Variants in TANGO2 observed in about 807,000 individuals in gnomAD.
The protein encoded by TANGO2 is transport and Golgi organization protein 2 homolog.
Under a neutral mutation model 39.1 loss-of-function variants are expected in TANGO2, and 26 were observed. The observed-to-expected ratio is 0.67, with a 90% confidence interval of 0.49 to 0.92. TANGO2 has a LOEUF of 0.92. TANGO2 is among the 40% of genes least tolerant of loss of function. TANGO2 has a pLI of 0.00. For synonymous variants in TANGO2, 131 were observed against 144.5 expected (o/e 0.91, Z 0.67); for missense variants, 326 against 360.1 (o/e 0.91, Z 0.77).
At chr22:20,041,020 T>C (rs2043807788) in intron 2 of TANGO2, among the ~76,000 whole-genome samples, 1 of 152,200 alleles carries the variant, frequency 6.6e-6, no homozygotes, top group Non-Finnish European at 1.5e-5. Flanking sequence ...GCACAGTCCC[T>C]GGCAATGACC....
At chr22:20,059,652 T>C (rs907956117) in intron 6 of TANGO2, among the ~76,000 whole-genome samples, 2 of 152,236 alleles carry the variant, frequency 1.3e-5, no homozygotes, top group Non-Finnish European at 2.9e-5. Flanking sequence ...GCAGCTATTC[T>C]CATGCTCGTT....
At chr22:20,050,950 CCCG>C (rs2046229742) in intron 3 of TANGO2, among the ~76,000 whole-genome samples, 1 of 151,176 alleles carries the variant, frequency 6.6e-6, no homozygotes, top group Admixed American at 6.6e-5. Flanking sequence ...GCCTCAGCCC[CCCG>C]AGTAGCTGGG....
intron 4 of TANGO2, 181 bp from the exon 5 acceptor site, chr22:20,053,256 C>T (rs1204606111): frequency 1.2e-5 from 7 of 572,866 alleles, no homozygotes; most frequent in South Asian, 1.1e-4. Context: ...TTTTCAGTGC[C>T]GACCTGAGTG....
Position 20,063,413 on chromosome 22 carries a change from G to A in TANGO2, c.681G>A (p.Val227=), listed in dbSNP as rs758856144. 6.2e-7 allele frequency: 1 copy of A among 1,613,340 alleles called. No homozygotes were observed. Among genetic ancestry groups the A allele is most frequent in the Non-Finnish European group, 8.5e-7 (1 of 1,179,794 alleles). The change falls in exon 8 of 9, where the codon GTG becomes GTA. Residue 227 remains valine (V), a synonymous_variant. Coordinates refer to ENST00000327374, the MANE Select transcript of TANGO2 (RefSeq NM_152906.7). ...VQPMLSKYAA[V]CVRCPGYGTR... ...CCATGCTGAGCAAGTACGCGGCTGT[G>A]TGCGTGCGCTGCCCTGGCTACGGCA...
chr22:20,033,780 C>T (rs1034269565), intron 1 of TANGO2, among the ~76,000 whole-genome samples: 1 of 152,276 alleles, frequency 6.6e-6, no homozygotes, highest in South Asian at 2.1e-4. Flanking sequence ...TCCCAAAGCC[C>T]AGCGTGTTCC....
chr22:20,052,422 G>A, intron 3 of TANGO2, 43 bp from the exon 4 acceptor site: 1 of 1,566,858 alleles, frequency 6.4e-7, no homozygotes, highest in Non-Finnish European at 8.7e-7. Context: ...TGGGGGACTG[G>A]AATGGGTGGC....
intron 4 of TANGO2, 37 bp from the exon 5 acceptor site, chr22:20,053,400 T>C: frequency 1.4e-6 from 2 of 1,435,994 alleles, no homozygotes; most frequent in Non-Finnish European, 2.0e-6. Context: ...AGCACATGCC[T>C]GCAGCTGTGG....
upstream of TANGO2, among the ~76,000 whole-genome samples, chr22:20,020,917 C>A (rs1414267336): frequency 1.3e-5 from 2 of 152,118 alleles, no homozygotes; most frequent in Non-Finnish European, 2.9e-5. Flanking sequence ...CCCGCGCAGC[C>A]CGAAGCTTTG....
chr22:20,030,943 T>G (rs2041732827), intron 1 of TANGO2, among the ~76,000 whole-genome samples: 1 of 151,896 alleles, frequency 6.6e-6, no homozygotes, highest in Non-Finnish European at 1.5e-5. Context: ...CTCATGTCTG[T>G]AATACCAGCA....
At chr22:20,056,059 G>T in intron 6 of TANGO2, 46 bp downstream of exon 6, 1 of 1,477,460 alleles carries the variant, frequency 6.8e-7, no homozygotes, top group Non-Finnish European at 9.5e-7. Context: ...CTGTTTCTAT[G>T]CAGAGGTCAC....
At chr22:20,031,450 T>C (rs1055764198) in intron 1 of TANGO2, among the ~76,000 whole-genome samples, 4 of 152,186 alleles carry the variant, frequency 2.6e-5, no homozygotes, top group African/African-American at 7.2e-5. Context: ...GCTGGTGTCG[T>C]AGGTCGGTGG....
At chr22:20,029,287 G>A (rs979861875) in intron 1 of TANGO2, among the ~76,000 whole-genome samples, 1 of 152,348 alleles carries the variant, frequency 6.6e-6, no homozygotes, top group East Asian at 1.9e-4. Context: ...CTCAGAAGCA[G>A]AAGGTGGGCA....
intron 1 of TANGO2, among the ~76,000 whole-genome samples, chr22:20,028,347 T>A (rs2041187966): frequency 1.3e-5 from 2 of 152,320 alleles, no homozygotes; most frequent in South Asian, 4.1e-4. Flanking sequence ...ACTCCTGGCC[T>A]CAAACAATCC....
intron 2 of TANGO2, among the ~76,000 whole-genome samples, chr22:20,038,045 C>T (rs988894921): frequency 1.3e-4 from 20 of 152,178 alleles, no homozygotes; most frequent in African/African-American, 4.1e-4. Context: ...GCCGAGATTG[C>T]GCCACTGCAC....
chr22:20,058,861 A>G (rs1261606031), intron 6 of TANGO2, among the ~76,000 whole-genome samples: 1 of 152,156 alleles, frequency 6.6e-6, no homozygotes, highest in Non-Finnish European at 1.5e-5. Context: ...GAAAAGCCAT[A>G]CATATTTATG....
upstream of TANGO2, among the ~76,000 whole-genome samples, chr22:20,018,607 G>A (rs1455006091): frequency 6.6e-6 from 1 of 152,148 alleles, no homozygotes; most frequent in Non-Finnish European, 1.5e-5. Context: ...CTGTGCAAGT[G>A]AGACTACCTC....
At chr22:20,023,639 G>T (rs1441850765) in intron 1 of TANGO2, among the ~76,000 whole-genome samples, 1 of 151,876 alleles carries the variant, frequency 6.6e-6, no homozygotes, top group Non-Finnish European at 1.5e-5. Context: ...TGGATCACGA[G>T]GCCAGGAGAT....
intron 1 of TANGO2, among the ~76,000 whole-genome samples, chr22:20,026,622 G>T (rs1018144646): frequency 6.6e-6 from 1 of 152,266 alleles, no homozygotes; most frequent in Non-Finnish European, 1.5e-5. Context: ...GCAGGCCTGG[G>T]ACAGGCACAT....
chr22:20,041,281 G>A (rs1358688676), intron 2 of TANGO2, among the ~76,000 whole-genome samples: 1 of 151,828 alleles, frequency 6.6e-6, no homozygotes, highest in Non-Finnish European at 1.5e-5. Flanking sequence ...GAGCAGCTGG[G>A]ATTACAGGCG....
Sources: allele counts gnomAD v4.1 joint callset (sites outside exome capture counted in the v4.1 genomes callset), GRCh38; gene constraint gnomAD v4.1.1; transcripts MANE v1.5; gene names NCBI Gene and HGNC (gene_info 2026-07-23, HGNC 2026-07-21).